Variants in MYH11 observed in about 807,000 individuals in gnomAD.
MYH11 encodes the protein myosin heavy chain 11, also known as myosin-11.
MYH11 carries 80 observed loss-of-function variants against 246.6 expected under a neutral mutation model. That is an observed-to-expected ratio of 0.32 (90% CI 0.27 to 0.39). The LOEUF (loss-of-function observed/expected upper bound fraction) is 0.39, where lower values mean the gene tolerates loss of function less well. Among genes scored for constraint, MYH11 ranks in the 10% least tolerant of loss-of-function variants. The pLI, the probability that MYH11 is intolerant of heterozygous loss-of-function variation, is 1.00. For missense variants in MYH11, 2,158 were observed against 2,546.8 expected (o/e 0.85, Z 3.29); for synonymous variants, 1,071 against 1,015.5 (o/e 1.05, Z -1.04).
rs1020211829 is a variant in MYH11 at position 15,722,483 on chromosome 16, T to A, written c.4366-849A>T. Among the ~76,000 whole-genome samples, 4 of 152,200 alleles carry A rather than the reference T, an allele frequency of 2.6e-5. No individual in the cohort carries two copies. In the East Asian group the frequency reaches 7.7e-4, roughly 29 times the overall value. ...CCAGTATTCAGCAAAGACAGGGACC[T>A]CTAAATGGCACAGTCAACACAAAAA... On this transcript the variant is annotated intron_variant, in intron 31 of 40. Coordinates refer to ENST00000300036, the MANE Select transcript of MYH11 (RefSeq NM_002474.3).
chr16:15,752,172 C>A (rs1435282220), intron 15 of MYH11, among the ~76,000 whole-genome samples: 1 of 152,038 alleles, frequency 6.6e-6, no homozygotes, highest in African/African-American at 2.4e-5. Flanking sequence ...GGACTACAGG[C>A]TTCATCATGT....
At chr16:15,752,705 C>G (rs1381789501) in intron 15 of MYH11, among the ~76,000 whole-genome samples, 2 of 152,148 alleles carry the variant, frequency 1.3e-5, no homozygotes, top group Non-Finnish European at 2.9e-5. Flanking sequence ...ATGGGGGAAC[C>G]CCGTCTCTAC....
At position 15,726,986 on chromosome 16, in the gene MYH11, C is replaced by T. The variant is rs1345500787; in HGVS notation, c.3720G>A (p.Leu1240=). The T allele has an allele frequency of 1.2e-6, 2 of 1,611,920 alleles. No individual in the cohort carries two copies. The highest frequency in any genetic ancestry group is 3.3e-5 in the Admixed American group (2 of 59,812). ...EKENADLAGE[L]RVLGQAKQEV... ...CCTGCTTGGCCTGGCCCAGGACCCG[C>T]AGCTCCCCGGCCAGGTCTGCGTTCT... The change falls in exon 28 of 41, where the codon CTG becomes CTA. Residue 1240 remains leucine (L), a synonymous_variant. Coordinates refer to ENST00000300036, the MANE Select transcript of MYH11 (RefSeq NM_002474.3).
chr16:15,824,635 A>T (rs2043512426), intron 2 of MYH11, among the ~76,000 whole-genome samples: 1 of 152,128 alleles, frequency 6.6e-6, no homozygotes, highest in Non-Finnish European at 1.5e-5. Flanking sequence ...ACACACCCCT[A>T]AAAAGGGGCT....
In MYH11 at chr16:15,726,882, C is replaced by G; in HGVS notation, c.3824G>C (p.Arg1275Pro). Residue 1275 changes from arginine to proline, a missense_variant, in exon 28 of 41, where the codon CGG becomes CCG. Around this residue, in one of 11 missense-constraint regions of MYH11, gnomAD observed 1,013 missense variants for 993.5 expected, o/e 1.02. Coordinates refer to ENST00000300036, the MANE Select transcript of MYH11 (RefSeq NM_002474.3). Reference protein sequence around the residue: ...QSKCSDGERARAELNDKVHKL... With the variant: ...QSKCSDGERAPAELNDKVHKL... ...GTGGACTTTGTCATTGAGCTCCGCC[C>G]GGGCCCGCTCCCCATCGCTGCACTT... 1 of 1,612,246 alleles carries G rather than the reference C, an allele frequency of 6.2e-7. No individual in the cohort carries two copies. Among genetic ancestry groups the G allele is most frequent in the Non-Finnish European group, 8.5e-7 (1 of 1,179,998 alleles).
intron 3 of MYH11, among the ~76,000 whole-genome samples, chr16:15,816,003 C>T (rs1022244570): frequency 1.3e-5 from 2 of 152,162 alleles, no homozygotes; most frequent in Non-Finnish European, 2.9e-5. Context: ...AAATTTTAAA[C>T]CCAACTAAAC....
chr16:15,802,253 G>A (rs62030580), intron 3 of MYH11, among the ~76,000 whole-genome samples: 17,284 of 152,234 alleles, frequency 0.11, 1,093 homozygotes, highest in Middle Eastern at 0.24. Context: ...CACTGCAGGC[G>A]TATGCTGAAC....
intron 3 of MYH11, 138 bp downstream of exon 3, chr16:15,823,117 T>A: frequency 1.6e-6 from 2 of 1,264,278 alleles, no homozygotes; most frequent in South Asian, 2.6e-5. Flanking sequence ...TTCCTTTTGC[T>A]TTTTCCCTTT....
At chr16:15,742,958 G>A (rs1239362929) in intron 20 of MYH11, among the ~76,000 whole-genome samples, 1 of 149,580 alleles carries the variant, frequency 6.7e-6, no homozygotes, top group Non-Finnish European at 1.5e-5. Context: ...GGGACTACAG[G>A]CACATGCCAC....
chr16:15,741,486 T>C lies in MYH11; in HGVS notation c.2836A>G (p.Lys946Glu). The C allele has an allele frequency of 6.2e-7, 1 of 1,608,642 alleles. No homozygotes were observed. Among genetic ancestry groups the C allele is most frequent in the Non-Finnish European group, 8.5e-7 (1 of 1,179,980 alleles). ...DRGQQLQAER[K>E]KMAQQMLDLE... Reference sequence around the variant, plus strand: ...ACCAGCATCTGCTGGGCCATCTTCTTCCTTTCAGCCTGTAGCTGCTGGCCC... The same window carrying C: ...ACCAGCATCTGCTGGGCCATCTTCTCCCTTTCAGCCTGTAGCTGCTGGCCC... The change falls in exon 22 of 41, where the codon AAG becomes GAG. Residue 946 changes from lysine to glutamate, a missense_variant. This residue lies in a region of MYH11 where 284 missense variants were observed against 315.4 expected (regional missense o/e 0.90). Transcript: ENST00000300036.
chr16:15,813,412 T>A (rs949586576), intron 3 of MYH11, among the ~76,000 whole-genome samples: 23 of 152,194 alleles, frequency 1.5e-4, no homozygotes, highest in South Asian at 1.4e-3. Context: ...AATTTTTTTT[T>A]ATGACATATG....
Position 15,757,989 on chromosome 16 carries a change from G to A in MYH11, c.1413C>T (p.Phe471=), listed in dbSNP as rs758885290. 2.5e-5 allele frequency: 41 copies of A among 1,613,820 alleles called. No homozygotes were observed. The highest frequency in any genetic ancestry group is 3.4e-5 in the Non-Finnish European group (40 of 1,180,040). The change falls in exon 13 of 41, where the codon TTC becomes TTT. Residue 471 remains phenylalanine (F), a synonymous_variant. Coordinates refer to ENST00000300036, the MANE Select transcript of MYH11 (RefSeq NM_002474.3). The part of the protein sequence containing the change: ...AGFEIFEVNS[F]EQLCINYTNE... ...TGGTGTAGTTGATGCACAGCTGCTC[G>A]AAGGAGTTCACCTGAGCACATGGCG...
chr16:15,717,390 C>T (rs775442963), intron 37 of MYH11, 42 bp from the exon 38 acceptor site: 2 of 1,594,784 alleles, frequency 1.3e-6, no homozygotes, highest in African/African-American at 1.3e-5. Flanking sequence ...CTCAGGGAAG[C>T]CCAAGAGAGC....
intron 40 of MYH11, among the ~76,000 whole-genome samples, chr16:15,705,984 CAAA>C (rs57451847): frequency 3.7e-4 from 21 of 56,758 alleles, no homozygotes; most frequent in African/African-American, 1.6e-3. Context: ...GACTCCGTCT[CAAA>C]AAAAAAAAAA....
At chr16:15,749,735 A>G in intron 16 of MYH11, 1 of 272,440 alleles carries the variant, frequency 3.7e-6, no homozygotes, top group Non-Finnish European at 7.0e-6. Context: ...TGTGACAACC[A>G]AAAATGTCTG....
chr16:15,741,550 C>G lies in MYH11; in HGVS notation c.2772G>C (p.Leu924=). ...AAKKQELEEI[L]HEMEARLEEE... ...CCTCCAGGCGGGCCTCCATCTCATG[C>G]AGTATCTCCTCCAGCTCCTGCTTCT... The change falls in exon 22 of 41, where the codon CTG becomes CTC. Residue 924 remains leucine (L), a synonymous_variant. Coordinates refer to ENST00000300036, the MANE Select transcript of MYH11 (RefSeq NM_002474.3). 1 of 1,611,048 alleles carries G rather than the reference C, an allele frequency of 6.2e-7. No individual in the cohort carries two copies. The highest frequency in any genetic ancestry group is 8.5e-7 in the Non-Finnish European group (1 of 1,180,024).
chr16:15,821,383 G>A (rs1044072488), intron 3 of MYH11, among the ~76,000 whole-genome samples: 2 of 152,182 alleles, frequency 1.3e-5, no homozygotes, highest in African/African-American at 4.8e-5. Context: ...TAATGGTGAT[G>A]AGTTTTGGAT....
intron 26 of MYH11, among the ~76,000 whole-genome samples, chr16:15,734,932 C>A (rs1413000460): frequency 6.6e-6 from 1 of 151,978 alleles, no homozygotes; most frequent in Non-Finnish European, 1.5e-5. Flanking sequence ...GTAATACCAG[C>A]AGTTTGGGAG....
intron 20 of MYH11, chr16:15,742,138 A>T (rs1168239579): frequency 1.7e-6 from 1 of 597,270 alleles, no homozygotes; most frequent in Non-Finnish European, 3.0e-6. Context: ...CAACAGAATT[A>T]GTCACCCCAA....
Sources: gnomAD v4.1 joint callset for allele counts (sites outside exome capture counted in the v4.1 genomes callset) on GRCh38, gnomAD v4.1.1 for gene constraint, gnomAD v4.1.1 regional missense constraint, MANE v1.5 for transcripts, NCBI Gene and HGNC (gene_info 2026-07-23, HGNC 2026-07-21) for gene names.